The following CCN4 variants were observed in gnomAD, a reference collection of about 807,000 sequenced individuals.
The protein encoded by CCN4 is cellular communication network factor 4, also known as CCN family member 4.
Under a neutral mutation model 36.7 loss-of-function variants are expected in CCN4, and 30 were observed. The observed-to-expected ratio is 0.82, with a 90% CI of 0.61 to 1.11. The LOEUF is 1.11. Ranked by LOEUF, CCN4 falls within the 50% of genes least tolerant of loss-of-function variation. The pLI, the probability that CCN4 is intolerant of heterozygous loss-of-function variation, is 0.00. For synonymous variants in CCN4, 191 were observed against 195.4 expected, an observed-to-expected ratio of 0.98 and a Z score of 0.19; for missense variants, 505 against 504.9, an observed-to-expected ratio of 1.00 and a Z score of 0.00.
intron 2 of CCN4, among the ~76,000 whole-genome samples, chr8:133,216,165 A>G (rs908487311): frequency 1.3e-5 from 2 of 152,202 alleles, no homozygotes; most frequent in Non-Finnish European, 2.9e-5. Context: ...TGGGGTCTGC[A>G]AAAGAATACA....
intron 2 of CCN4, among the ~76,000 whole-genome samples, chr8:133,215,627 C>T (rs754261499): frequency 1.3e-5 from 2 of 152,072 alleles, no homozygotes; most frequent in African/African-American, 4.8e-5. Context: ...TCCCTGTCCT[C>T]CTCACCCCCT....
At chr8:133,203,504 G>T (rs551426522) in intron 1 of CCN4, among the ~76,000 whole-genome samples, 101 of 152,264 alleles carry the variant, frequency 6.6e-4, no homozygotes, top group Non-Finnish European at 1.2e-3. Flanking sequence ...TTGAGCTCTT[G>T]GAGCCTCATT....
intron 3 of CCN4, among the ~76,000 whole-genome samples, chr8:133,221,578 T>C (rs1854529357): frequency 6.7e-6 from 1 of 149,878 alleles, no homozygotes; most frequent in Non-Finnish European, 1.5e-5. Flanking sequence ...GATGAATGAA[T>C]GGGTGGATTA....
At chr8:133,227,143 C>T (rs1292809384) in intron 4 of CCN4, among the ~76,000 whole-genome samples, 1 of 152,062 alleles carries the variant, frequency 6.6e-6, no homozygotes, top group Non-Finnish European at 1.5e-5. Flanking sequence ...ATAGGCAAGA[C>T]AAAAATGCAG....
At chr8:133,214,876 A>G (rs1251893574) in intron 2 of CCN4, among the ~76,000 whole-genome samples, 3 of 152,104 alleles carry the variant, frequency 2.0e-5, no homozygotes, top group South Asian at 2.1e-4. Context: ...TCAGCTAACC[A>G]TTATATTTTT....
chr8:133,221,939 TGGATA>T (rs1010350286), intron 3 of CCN4, among the ~76,000 whole-genome samples: 35 of 151,608 alleles, frequency 2.3e-4, no homozygotes, highest in African/African-American at 8.2e-4. Context: ...GATGGATGGA[TGGATA>T]GATGTATAAA....
rs1173389999 is a variant in CCN4 at position 133,231,488 on chromosome 8, C to A, written c.*3778C>A. ...ATGTTTCACAACAGTTCTCATTTTTCTCATGATTTGTGTAGCGTGGAATGT... is the reference window on the plus strand; with the variant it reads ...ATGTTTCACAACAGTTCTCATTTTTATCATGATTTGTGTAGCGTGGAATGT... On this transcript the variant is annotated 3_prime_UTR_variant, in exon 5 of 5. Coordinates refer to ENST00000250160, the MANE Select transcript of CCN4 (RefSeq NM_003882.4). 6.6e-6 allele frequency: 1 copy of A among 152,160 alleles called. No individual in the cohort carries two copies. The highest frequency in any genetic ancestry group is 1.9e-4 in the East Asian group (1 of 5,200). 9.4% of individuals were successfully genotyped at this position (152,160 alleles called of 1,614,324 possible).
At position 133,220,742 on chromosome 8, in the gene CCN4, C is replaced by T. The variant is rs140971140; in HGVS notation, c.511C>T (p.Arg171Trp). Residue 171 changes from arginine to tryptophan, a missense_variant, in exon 3 of 5, where the codon CGG (arginine) becomes TGG (tryptophan). Physicochemically the swap from Arg to Trp is moderately radical, Grantham distance 101 (BLOSUM62 -3). Transcript: ENST00000250160. The part of the protein sequence containing the change: ...RPPRLWCPHP[R>W]RVSIPGHCCE... ...CCCGCGTCTCTGGTGCCCCCACCCG[C>T]GGCGCGTGAGCATACCTGGCCACTG... 3.3e-5 allele frequency: 53 copies of T among 1,613,438 alleles called. 1 individual carries two copies. The highest frequency in any genetic ancestry group is 3.4e-4 in the Middle Eastern group (2 of 5,966).
chr8:133,213,257 C>G, intron 2 of CCN4, 114 bp downstream of exon 2: 2 of 1,292,258 alleles, frequency 1.5e-6, no homozygotes, highest in Non-Finnish European at 2.2e-6. Context: ...TTCCGTTCAG[C>G]AGGAGATACA....
chr8:133,224,848 A>G (rs930197459), intron 3 of CCN4, among the ~76,000 whole-genome samples: 1 of 151,810 alleles, frequency 6.6e-6, no homozygotes, highest in African/African-American at 2.4e-5. Context: ...GCAGGAGAAT[A>G]ACTTAAAACC....
Position 133,227,785 on chromosome 8 carries a change from T to G in CCN4, c.*75T>G. ...GTCAGCCCTTATGGCCAATAACTTT[T>G]CACCAATGAGCCTTAGTTACCCTGA... On this transcript the variant is annotated 3_prime_UTR_variant, in exon 5 of 5. Transcript: ENST00000250160. The G allele has an allele frequency of 6.6e-7, 1 of 1,505,816 alleles. No individual in the cohort carries two copies. 93.3% of individuals were successfully genotyped at this position (1,505,816 alleles called of 1,614,324 possible).
At chr8:133,208,372 C>G (rs577384241) in intron 1 of CCN4, among the ~76,000 whole-genome samples, 1 of 152,246 alleles carries the variant, frequency 6.6e-6, no homozygotes, top group South Asian at 2.1e-4. Flanking sequence ...AAGTGAACTC[C>G]CAGAGTAACA....
rs775272326 is a variant in CCN4, at chr8:133,191,137, G to T, written c.-8G>T. On this transcript the variant is annotated 5_prime_UTR_variant, in exon 1 of 5. Coordinates refer to ENST00000250160, the MANE Select transcript of CCN4 (RefSeq NM_003882.4). ...CTCGGTCGATGCCTGTGCCACTGAC[G>T]TCCAGGCATGAGGTGGTTCCTGCCC... The T allele has an allele frequency of 1.9e-6, 3 of 1,606,038 alleles. 1 individual carries two copies. In the Middle Eastern group the frequency reaches 5.3e-4, roughly 283 times the overall value.
chr8:133,217,813 G>T lies in CCN4; in HGVS notation c.350-2768G>T, dbSNP rs146873430. Among the ~76,000 whole-genome samples the T allele has an allele frequency of 1.3e-3, 196 of 152,254 alleles. 1 individual carries two copies. Among genetic ancestry groups the T allele is most frequent in the African/African-American group, 4.6e-3 (191 of 41,542 alleles). On this transcript the variant is annotated intron_variant, in intron 2 of 4. Coordinates refer to ENST00000250160, the MANE Select transcript of CCN4 (RefSeq NM_003882.4). ...TAAAAGCTCCCCAGGTTCCCCTGGG[G>T]TTCCCCTGTGCAGCTGGTAGGGAAA...
intron 3 of CCN4, 36 bp downstream of exon 3, chr8:133,220,877 C>A: frequency 6.4e-7 from 1 of 1,571,048 alleles, no homozygotes; most frequent in Non-Finnish European, 8.7e-7. Flanking sequence ...GGGTGGGACC[C>A]TACAAATGGG....
intron 1 of CCN4, among the ~76,000 whole-genome samples, chr8:133,203,272 G>T (rs1487384432): frequency 6.6e-6 from 1 of 152,154 alleles, no homozygotes; most frequent in African/African-American, 2.4e-5. Flanking sequence ...TGGCAACCTG[G>T]GCTCAATTCC....
At chr8:133,193,961 G>A (rs1217133110) in intron 1 of CCN4, among the ~76,000 whole-genome samples, 2 of 152,278 alleles carry the variant, frequency 1.3e-5, no homozygotes, top group African/African-American at 4.8e-5. Flanking sequence ...GCCGCACTAA[G>A]TCCCGTTGCA....
At chr8:133,194,899 T>C (rs1853311645) in intron 1 of CCN4, among the ~76,000 whole-genome samples, 1 of 140,648 alleles carries the variant, frequency 7.1e-6, no homozygotes, top group African/African-American at 2.7e-5. Flanking sequence ...ATGTGTGTGG[T>C]GTGTGTACTG....
chr8:133,217,936 C>CCACACACACACACGCAAACACA (rs56318195), intron 2 of CCN4, among the ~76,000 whole-genome samples: 1 of 144,432 alleles, frequency 6.9e-6, no homozygotes, highest in Non-Finnish European at 1.5e-5. Flanking sequence ...ACTCCCTTCT[C>CCACACACACACACGCAAACACA]CACACACACA....
Sources: allele counts gnomAD v4.1 joint callset (sites outside exome capture counted in the v4.1 genomes callset), GRCh38; gene constraint gnomAD v4.1.1; transcripts MANE v1.5; gene names NCBI Gene and HGNC (gene_info 2026-07-23, HGNC 2026-07-21).